Variants in DLGAP2 observed in about 807,000 individuals in gnomAD.
The protein encoded by DLGAP2 is DLG associated protein 2, also known as disks large-associated protein 2.
DLGAP2 carries 26 observed loss-of-function variants against 100.3 expected under a neutral mutation model. The observed-to-expected ratio is 0.26, with a 90% CI of 0.19 to 0.36. The LOEUF is 0.36. Ranked by LOEUF, DLGAP2 falls within the 10% of genes least tolerant of loss-of-function variation. The pLI, the probability that DLGAP2 is intolerant of heterozygous loss-of-function variation, is 1.00. For missense variants in DLGAP2, 1,858 were observed against 1,453.2 expected (o/e 1.28, Z -4.53); for synonymous variants, 886 against 630.1 (o/e 1.41, Z -6.08).
intron 2 of DLGAP2, among the ~76,000 whole-genome samples, chr8:1,256,687 G>A (rs535220960): frequency 3.4e-4 from 52 of 152,296 alleles, no homozygotes; most frequent in African/African-American, 1.2e-3. Context: ...GAAACTGAGG[G>A]GAAACTGACT....
intron 6 of DLGAP2, among the ~76,000 whole-genome samples, chr8:1,584,896 TTC>T (rs1213409098): frequency 2.0e-5 from 3 of 152,212 alleles, no homozygotes; most frequent in African/African-American, 7.2e-5. Flanking sequence ...TTTACCTCAT[TTC>T]TTTCTTCTTG....
rs146561271 is a variant in DLGAP2 at position 820,020 on chromosome 8, G to A, written c.18+82195G>A. On this transcript the variant is annotated intron_variant, in intron 1 of 14. Coordinates refer to ENST00000637795, the MANE Select transcript of DLGAP2 (RefSeq NM_001346810.2). ...TTAGAGAAAAAAATGAACCATGAGAGTTCTTGTCTACTAAGAGAAACACAC... is the reference window on the plus strand; with the variant it reads ...TTAGAGAAAAAAATGAACCATGAGAATTCTTGTCTACTAAGAGAAACACAC... Among the ~76,000 whole-genome samples, 19 of 152,234 alleles carry A rather than the reference G, an allele frequency of 1.2e-4. No homozygotes were observed. In the East Asian group the frequency reaches 3.5e-3, roughly 28 times the overall value.
intron 3 of DLGAP2, among the ~76,000 whole-genome samples, chr8:1,317,455 G>T (rs1352878256): frequency 7.0e-6 from 1 of 143,680 alleles, no homozygotes; most frequent in Non-Finnish European, 1.5e-5. Context: ...TAAAAATAGA[G>T]GCTGTGCGAG....
At chr8:1,124,509 C>G (rs1302287295) in intron 2 of DLGAP2, among the ~76,000 whole-genome samples, 1 of 152,194 alleles carries the variant, frequency 6.6e-6, no homozygotes, top group African/African-American at 2.4e-5. Context: ...ATTTTTATTA[C>G]TCATCAAATA....
intron 1 of DLGAP2, among the ~76,000 whole-genome samples, chr8:801,718 C>T (rs756977051): frequency 3.9e-5 from 6 of 152,134 alleles, no homozygotes; most frequent in Non-Finnish European, 8.8e-5. Context: ...TTCCCACTCT[C>T]CAGCAATGTG....
At chr8:785,482 C>A (rs1051880823) in intron 1 of DLGAP2, among the ~76,000 whole-genome samples, 1 of 148,200 alleles carries the variant, frequency 6.7e-6, no homozygotes, top group Non-Finnish European at 1.5e-5. Context: ...CCCCTCAGCC[C>A]CTGTGAGACC....
chr8:1,272,758 C>G (rs1368654404), intron 3 of DLGAP2, among the ~76,000 whole-genome samples: 10 of 152,216 alleles, frequency 6.6e-5, no homozygotes, highest in African/African-American at 1.9e-4. Flanking sequence ...CCACGGGTGA[C>G]TCTTCCCATC....
chr8:1,005,274 C>G (rs922202496), intron 2 of DLGAP2, among the ~76,000 whole-genome samples: 10 of 152,156 alleles, frequency 6.6e-5, no homozygotes, highest in African/African-American at 2.4e-4. Context: ...TGGAGTGAAT[C>G]AGCCTTCCTG....
intron 2 of DLGAP2, among the ~76,000 whole-genome samples, chr8:1,234,189 G>A (rs1226728032): frequency 2.0e-5 from 3 of 152,218 alleles, no homozygotes; most frequent in Non-Finnish European, 4.4e-5. Context: ...GGCTGTTGTC[G>A]TAGGTGGTGC....
chr8:755,477 G>A (rs1486125338), intron 1 of DLGAP2, among the ~76,000 whole-genome samples: 1 of 152,122 alleles, frequency 6.6e-6, no homozygotes, highest in Non-Finnish European at 1.5e-5. Context: ...AAAATTAATT[G>A]CCAAGCAAGT....
At chr8:1,358,806 G>A (rs1801912822) in intron 3 of DLGAP2, among the ~76,000 whole-genome samples, 1 of 151,430 alleles carries the variant, frequency 6.6e-6, no homozygotes, top group African/African-American at 2.4e-5. Context: ...CGAACTGCCT[G>A]ATCAGGCCAC....
chr8:1,098,113 G>T (rs1804449149), intron 2 of DLGAP2, among the ~76,000 whole-genome samples: 1 of 152,256 alleles, frequency 6.6e-6, no homozygotes, highest in African/African-American at 2.4e-5. Context: ...CTCAGCAAAC[G>T]TTGGCGGCGC....
chr8:1,210,912 G>A (rs888661282), intron 2 of DLGAP2, among the ~76,000 whole-genome samples: 4 of 148,300 alleles, frequency 2.7e-5, no homozygotes, highest in Non-Finnish European at 4.5e-5. Flanking sequence ...CTCCCAGGAC[G>A]CTGCCCTTCT....
chr8:1,102,570 C>G (rs980197496), intron 2 of DLGAP2, among the ~76,000 whole-genome samples: 2 of 150,328 alleles, frequency 1.3e-5, no homozygotes, highest in African/African-American at 4.9e-5. Flanking sequence ...TAGACATGGT[C>G]TCCTGAAGGC....
chr8:1,243,422 T>G (rs1399975375), intron 2 of DLGAP2, among the ~76,000 whole-genome samples: 1 of 152,198 alleles, frequency 6.6e-6, no homozygotes, highest in Non-Finnish European at 1.5e-5. Context: ...CTGCCTGGCC[T>G]GCACCCTCTG....
intron 1 of DLGAP2, among the ~76,000 whole-genome samples, chr8:806,297 G>A (rs1796268308): frequency 6.6e-6 from 1 of 152,198 alleles, no homozygotes; most frequent in African/African-American, 2.4e-5. Context: ...GGGTCTCAAG[G>A]TGTTACAGCT....
chr8:1,605,387 T>G (rs1796763669), intron 6 of DLGAP2, among the ~76,000 whole-genome samples: 1 of 152,192 alleles, frequency 6.6e-6, no homozygotes, highest in African/African-American at 2.4e-5. Context: ...TCTGAGATGC[T>G]TGAGAAGCAA....
intron 3 of DLGAP2, among the ~76,000 whole-genome samples, chr8:1,356,301 A>G (rs1801849074): frequency 6.6e-6 from 1 of 152,002 alleles, no homozygotes; most frequent in African/African-American, 2.4e-5. Flanking sequence ...CAGCTGTATC[A>G]CTCCCCTCAC....
At chr8:878,610 G>A (rs1346780993) in intron 1 of DLGAP2, among the ~76,000 whole-genome samples, 1 of 152,148 alleles carries the variant, frequency 6.6e-6, no homozygotes, top group Non-Finnish European at 1.5e-5. Flanking sequence ...CTGAGGCTTG[G>A]TCCCCAGTGT....
Sources: gnomAD v4.1 joint callset for allele counts (sites outside exome capture counted in the v4.1 genomes callset) on GRCh38, gnomAD v4.1.1 for gene constraint, MANE v1.5 for transcripts, NCBI Gene and HGNC (gene_info 2026-07-23, HGNC 2026-07-21) for gene names.